The following NBEA variants were observed in gnomAD, a reference collection of about 807,000 sequenced individuals.
NBEA encodes the protein lysosomal-trafficking regulator 2.
NBEA carries 44 observed loss-of-function variants against 343.4 expected under a neutral mutation model. The observed-to-expected ratio is 0.13, with a 90% CI of 0.10 to 0.16. The LOEUF is 0.16. Ranked by LOEUF, NBEA falls within the 10% of genes least tolerant of loss-of-function variation. The pLI is 1.00. For missense variants in NBEA, 2,555 were observed against 3,631.3 expected, an observed-to-expected ratio of 0.70 and a Z score of 7.62; for synonymous variants, 1,175 against 1,238.7, an observed-to-expected ratio of 0.95 and a Z score of 1.08.
Position 35,308,534 on chromosome 13 carries a change from ATATATGTATATATATG to A in NBEA, c.5839-988_5839-973del, listed in dbSNP as rs1329355339. On this transcript the variant is annotated intron_variant, in intron 35 of 58. Transcript: ENST00000379939. Reference sequence around the variant, plus strand: ...TATGTGTATATATGTATATATATGTATATATGTATATATATGTATATATGTATATATGTATATATAT... The same window carrying A: ...TATGTGTATATATGTATATATATGTATATATATGTATATATGTATATATAT... 1.7e-3 allele frequency among the ~76,000 whole-genome samples: 205 copies of A among 123,852 alleles called. 3 individuals are homozygous for A. Among genetic ancestry groups the A allele is most frequent in the African/African-American group, 5.8e-3 (188 of 32,442 alleles). The allele number at this position is 123,852 out of a possible 152,430, so 81.3% of individuals were successfully genotyped here. A position where few individuals can be genotyped will look rare whatever the true frequency, so the allele number is the denominator to read the frequency against.
chr13:35,047,356 G>C (rs1048202040), intron 4 of NBEA, among the ~76,000 whole-genome samples: 2 of 151,904 alleles, frequency 1.3e-5, no homozygotes, highest in Non-Finnish European at 2.9e-5. Flanking sequence ...CTGATGGCTA[G>C]ATATGCAAAT....
intron 10 of NBEA, among the ~76,000 whole-genome samples, chr13:35,079,781 A>G (rs1593272907): frequency 6.6e-6 from 1 of 152,166 alleles, no homozygotes; most frequent in Non-Finnish European, 1.5e-5. Context: ...TTTTATCTAG[A>G]AAGTAGGTTA....
At chr13:35,536,595 T>A (rs993653381) in intron 41 of NBEA, among the ~76,000 whole-genome samples, 1 of 152,112 alleles carries the variant, frequency 6.6e-6, no homozygotes, top group Non-Finnish European at 1.5e-5. Flanking sequence ...TAGAAAATTG[T>A]CAGCTGCAAG....
chr13:35,448,858 C>G (rs921617352), intron 39 of NBEA, among the ~76,000 whole-genome samples: 1 of 152,122 alleles, frequency 6.6e-6, no homozygotes, highest in African/African-American at 2.4e-5. Flanking sequence ...GGACTGAGGA[C>G]AGACACATAG....
At chr13:35,452,776 A>G (rs377189927) in intron 40 of NBEA, among the ~76,000 whole-genome samples, 14 of 152,274 alleles carry the variant, frequency 9.2e-5, no homozygotes, top group African/African-American at 3.4e-4. Context: ...TCAATTCTGG[A>G]TGTGATTCTA....
At chr13:35,490,567 A>G (rs1317215843) in intron 41 of NBEA, among the ~76,000 whole-genome samples, 2 of 151,978 alleles carry the variant, frequency 1.3e-5, no homozygotes, top group Non-Finnish European at 2.9e-5. Flanking sequence ...CCTTCTGCCT[A>G]AAAGTCAGCT....
At chr13:35,148,710 A>G (rs1428880265) in intron 18 of NBEA, among the ~76,000 whole-genome samples, 2 of 152,188 alleles carry the variant, frequency 1.3e-5, no homozygotes, top group African/African-American at 4.8e-5. Flanking sequence ...AATTACAAAT[A>G]TATTTATCAC....
intron 34 of NBEA, among the ~76,000 whole-genome samples, chr13:35,250,089 G>A (rs1295544927): frequency 6.6e-6 from 1 of 152,138 alleles, no homozygotes; most frequent in Non-Finnish European, 1.5e-5. Flanking sequence ...GGAAATAGGA[G>A]TTGTTTAATG....
intron 40 of NBEA, among the ~76,000 whole-genome samples, chr13:35,466,827 C>A (rs1030245033): frequency 1.3e-5 from 2 of 152,040 alleles, no homozygotes; most frequent in Non-Finnish European, 2.9e-5. Flanking sequence ...ATCTGGACAG[C>A]TATCAATATT....
chr13:35,449,778 A>C (rs1300771654), intron 39 of NBEA, among the ~76,000 whole-genome samples: 1 of 152,228 alleles, frequency 6.6e-6, no homozygotes, highest in Non-Finnish European at 1.5e-5. Context: ...TGGAAGAAAA[A>C]TACACATGGA....
chr13:35,208,264 G>A (rs1411441650), intron 31 of NBEA, among the ~76,000 whole-genome samples: 2 of 152,006 alleles, frequency 1.3e-5, no homozygotes, highest in Admixed American at 6.6e-5. Flanking sequence ...AAAGAATTTG[G>A]CATTCAAATG....
At chr13:35,353,940 G>T (rs866059977) in intron 38 of NBEA, among the ~76,000 whole-genome samples, 7 of 152,242 alleles carry the variant, frequency 4.6e-5, no homozygotes, top group Middle Eastern at 6.8e-3. Flanking sequence ...AGGCTGGCAG[G>T]CTAGAAACTC....
intron 34 of NBEA, among the ~76,000 whole-genome samples, chr13:35,248,294 G>A (rs913154445): frequency 2.0e-5 from 3 of 152,112 alleles, no homozygotes; most frequent in Non-Finnish European, 4.4e-5. Flanking sequence ...ATGCAAGGAT[G>A]GTTCAGCATA....
intron 38 of NBEA, among the ~76,000 whole-genome samples, chr13:35,371,848 C>T (rs2041451884): frequency 6.6e-6 from 1 of 152,134 alleles, no homozygotes; most frequent in Non-Finnish European, 1.5e-5. Flanking sequence ...CAGTAGTGTA[C>T]TCTCTATATA....
At chr13:35,113,334 G>T (rs2066310424) in intron 13 of NBEA, among the ~76,000 whole-genome samples, 1 of 151,918 alleles carries the variant, frequency 6.6e-6, no homozygotes, top group African/African-American at 2.4e-5. Flanking sequence ...ATTTGATTAA[G>T]GTATTATCTT....
chr13:35,205,025 G>T (rs2073290864), intron 31 of NBEA, among the ~76,000 whole-genome samples: 1 of 152,076 alleles, frequency 6.6e-6, no homozygotes, highest in Non-Finnish European at 1.5e-5. Flanking sequence ...CATTTTAAAA[G>T]ATAATTAATT....
At chr13:35,299,471 A>C (rs1010198917) in intron 35 of NBEA, among the ~76,000 whole-genome samples, 1 of 152,160 alleles carries the variant, frequency 6.6e-6, no homozygotes, top group East Asian at 1.9e-4. Flanking sequence ...TTTTATCGTC[A>C]TCCTTCTGGA....
At chr13:35,428,720 A>G (rs1274073553) in intron 38 of NBEA, among the ~76,000 whole-genome samples, 1 of 152,094 alleles carries the variant, frequency 6.6e-6, no homozygotes, top group Non-Finnish European at 1.5e-5. Flanking sequence ...TTGGCATTTT[A>G]GGGTGATCTT....
chr13:35,438,689 T>C (rs1316723684), intron 39 of NBEA, among the ~76,000 whole-genome samples: 3 of 152,182 alleles, frequency 2.0e-5, no homozygotes, highest in Non-Finnish European at 4.4e-5. Context: ...ATGATGTAAA[T>C]TTTTAGAAAG....
Sources: gnomAD v4.1 joint callset for allele counts (sites outside exome capture counted in the v4.1 genomes callset) on GRCh38, gnomAD v4.1.1 for gene constraint, MANE v1.5 for transcripts, NCBI Gene and HGNC (gene_info 2026-07-23, HGNC 2026-07-21) for gene names.